Variants in SIAH3 observed in about 807,000 individuals in gnomAD.
SIAH3 encodes seven in absentia homolog 3.
Under a neutral mutation model 12.6 loss-of-function variants are expected in SIAH3, and 9 were observed. The ratio of observed to expected loss-of-function variants is 0.72; its 90% CI spans 0.43 to 1.25. SIAH3 has a LOEUF of 1.25. Among genes scored for constraint, SIAH3 ranks in the 50% most tolerant of loss-of-function variants. SIAH3 has a pLI of 0.00. For synonymous variants in SIAH3, 154 were observed against 151.1 expected (o/e 1.02, Z -0.14); for missense variants, 390 against 365.4 (o/e 1.07, Z -0.55).
In SIAH3 at chr13:45,845,358, C is replaced by A. The variant is rs114045351; in HGVS notation, c.135+6137G>T. On this transcript the variant is annotated intron_variant, in intron 1 of 1. Coordinates refer to ENST00000400405, the MANE Select transcript of SIAH3 (RefSeq NM_198849.3). ...AAGGTACAATTTCTTGAGATCTCGGCGGTTTGGGTGACTGCATATGCAATG... is the reference window on the plus strand; with the variant it reads ...AAGGTACAATTTCTTGAGATCTCGGAGGTTTGGGTGACTGCATATGCAATG... 6.4e-3 allele frequency among the ~76,000 whole-genome samples: 966 copies of A among 152,002 alleles called. 11 individuals carry two copies. The highest frequency in any genetic ancestry group is 0.022 in the African/African-American group (900 of 41,450).
chr13:45,821,894 G>T (rs1335270494), intron 1 of SIAH3, among the ~76,000 whole-genome samples: 10 of 152,180 alleles, frequency 6.6e-5, no homozygotes, highest in African/African-American at 2.2e-4. Context: ...GTTGATTTCT[G>T]CTTCTTATCT....
At chr13:45,838,132 A>T (rs1950725365) in intron 1 of SIAH3, among the ~76,000 whole-genome samples, 1 of 152,222 alleles carries the variant, frequency 6.6e-6, no homozygotes, top group South Asian at 2.1e-4. Flanking sequence ...GTAAAGGGCA[A>T]GTGTCATCTT....
chr13:45,782,936 G>GCAACC lies in SIAH3; in HGVS notation c.*446_*447insGGTTG, dbSNP rs1209450096. On this transcript the variant is annotated 3_prime_UTR_variant, in exon 2 of 2. Coordinates refer to ENST00000400405, the MANE Select transcript of SIAH3 (RefSeq NM_198849.3). ...CTGAGCTGGGCCCCTTCCCCAACCT[G>GCAACC]CCGACTGCACACGTTCAGATTTAGC... 1 of 152,440 alleles carries GCAACC rather than the reference G, an allele frequency of 6.6e-6. No homozygotes were observed. The highest frequency in any genetic ancestry group is 2.4e-5 in the African/African-American group (1 of 41,434). The allele number at this position is 152,440 out of a possible 1,614,324, so 9.4% of individuals were successfully genotyped here.
chr13:45,799,368 A>T (rs1950573683), intron 1 of SIAH3, among the ~76,000 whole-genome samples: 1 of 152,188 alleles, frequency 6.6e-6, no homozygotes, highest in Non-Finnish European at 1.5e-5. Flanking sequence ...TAATAGGAGG[A>T]ATGCGTTAAA....
intron 1 of SIAH3, 51 bp downstream of exon 1, chr13:45,851,444 G>C (rs1336225233): frequency 6.2e-7 from 1 of 1,603,302 alleles, no homozygotes; most frequent in Admixed American, 1.7e-5. Flanking sequence ...CCGCCTCCGA[G>C]AAAGGACTTG....
chr13:45,794,590 A>G (rs914701429), intron 1 of SIAH3, among the ~76,000 whole-genome samples: 4 of 152,122 alleles, frequency 2.6e-5, no homozygotes, highest in Admixed American at 6.6e-5. Flanking sequence ...TTGATAGCGA[A>G]TAAGTCTTAT....
At chr13:45,798,725 T>C (rs78844981) in intron 1 of SIAH3, among the ~76,000 whole-genome samples, 3,939 of 152,320 alleles carry the variant, frequency 0.026, 174 homozygotes, top group African/African-American at 0.09. Context: ...CTGCAGTCAC[T>C]TCCGGCAGAT....
chr13:45,792,372 T>C (rs1340601935), intron 1 of SIAH3, among the ~76,000 whole-genome samples: 1 of 151,706 alleles, frequency 6.6e-6, no homozygotes, highest in Admixed American at 6.6e-5. Context: ...TTTTTTTTTT[T>C]TTGAGATGGA....
At chr13:45,837,104 C>A (rs571322403) in intron 1 of SIAH3, among the ~76,000 whole-genome samples, 2 of 152,356 alleles carry the variant, frequency 1.3e-5, no homozygotes, top group Non-Finnish European at 2.9e-5. Context: ...TTCGTCTTCT[C>A]AGCTTCACAT....
At chr13:45,850,346 T>A (rs1410730364) in intron 1 of SIAH3, among the ~76,000 whole-genome samples, 2 of 152,070 alleles carry the variant, frequency 1.3e-5, no homozygotes, top group Admixed American at 1.3e-4. Flanking sequence ...TATAAAGTAA[T>A]GGACAACAGG....
At chr13:45,784,237 G>A (rs1188873188) in intron 1 of SIAH3, among the ~76,000 whole-genome samples, 180 bp from the exon 2 acceptor site, 1 of 151,984 alleles carries the variant, frequency 6.6e-6, no homozygotes, top group Non-Finnish European at 1.5e-5. Context: ...CAGAGTGGGC[G>A]CCTTGGGGTG....
At chr13:45,799,344 G>A (rs79921046) in intron 1 of SIAH3, among the ~76,000 whole-genome samples, 3,085 of 152,230 alleles carry the variant, frequency 0.02, 103 homozygotes, top group African/African-American at 0.07. Flanking sequence ...GATGATATCT[G>A]CCTCCTTCCT....
chr13:45,836,863 G>T (rs1337461348), intron 1 of SIAH3, among the ~76,000 whole-genome samples: 1 of 152,244 alleles, frequency 6.6e-6, no homozygotes, highest in African/African-American at 2.4e-5. Flanking sequence ...GATGTCCCCA[G>T]TTGCCTGTAA....
intron 1 of SIAH3, among the ~76,000 whole-genome samples, chr13:45,827,267 C>G (rs117931737): frequency 1.0e-3 from 157 of 152,208 alleles, no homozygotes; most frequent in Middle Eastern, 3.4e-3. Context: ...TGAATACAGT[C>G]AAGATGCTGG....
At position 45,782,348 on chromosome 13, in the gene SIAH3, G is replaced by A. The variant is rs902359146; in HGVS notation, c.*1035C>T. 1.3e-5 allele frequency: 2 copies of A among 152,172 alleles called. No individual in the cohort carries two copies. The highest frequency in any genetic ancestry group is 2.9e-5 in the Non-Finnish European group (2 of 68,038). 9.4% of individuals were successfully genotyped at this position (152,172 alleles called of 1,614,324 possible). On this transcript the variant is annotated 3_prime_UTR_variant, in exon 2 of 2. Coordinates refer to ENST00000400405, the MANE Select transcript of SIAH3 (RefSeq NM_198849.3). ...AGAGCCTCCCAGGTTTGTAAGTGAT[G>A]ACCAGCCCGCCAGGTCAGAGATCCT...
chr13:45,810,236 C>T (rs1950611805), intron 1 of SIAH3, among the ~76,000 whole-genome samples: 1 of 152,194 alleles, frequency 6.6e-6, no homozygotes. Context: ...GTGGCCCAGT[C>T]CTATCCGTCA....
intron 1 of SIAH3, among the ~76,000 whole-genome samples, chr13:45,803,526 G>C (rs1477715178): frequency 6.6e-6 from 1 of 152,196 alleles, no homozygotes; most frequent in African/African-American, 2.4e-5. Context: ...GGTCGTAAGT[G>C]AGCTGGGCCT....
intron 1 of SIAH3, among the ~76,000 whole-genome samples, chr13:45,826,856 G>A (rs1950679819): frequency 6.6e-6 from 1 of 152,088 alleles, no homozygotes; most frequent in African/African-American, 2.4e-5. Context: ...ATTCTGGGGT[G>A]ACAAACATTT....
Position 45,851,601 on chromosome 13 carries a change from G to A in SIAH3, c.29C>T (p.Ala10Val). The A allele has an allele frequency of 6.2e-7, 1 of 1,614,222 alleles. No homozygotes were observed. The highest frequency in any genetic ancestry group is 8.5e-7 in the Non-Finnish European group (1 of 1,180,048). Residue 10 changes from alanine to valine, a missense_variant, in exon 1 of 2, where the codon GCT becomes GTT. By Grantham distance (64) the Ala-to-Val change is moderately conservative. Coordinates refer to ENST00000400405, the MANE Select transcript of SIAH3 (RefSeq NM_198849.3). ...CCGGAGATGAATGAGATCTAATACA[G>A]CCCCAAAGCACTGGGTAAAGAAAAG... MLFFTQCFG[A>V]VLDLIHLRFQ...
Sources: allele counts gnomAD v4.1 joint callset (sites outside exome capture counted in the v4.1 genomes callset), GRCh38; gene constraint gnomAD v4.1.1; transcripts MANE v1.5; gene names NCBI Gene and HGNC (gene_info 2026-07-23, HGNC 2026-07-21).